MDGA2: variants seen among roughly 807,000 people sequenced by gnomAD.
The protein encoded by MDGA2 is MAM domain containing glycosylphosphatidylinositol anchor 2.
In MDGA2, 40 loss-of-function variants were observed where a neutral mutation model predicts 117.8. The observed-to-expected ratio is 0.34, with a 90% CI of 0.26 to 0.44. The LOEUF is 0.44. Among genes scored for constraint, MDGA2 ranks in the 20% least tolerant of loss-of-function variants. MDGA2 has a pLI of 1.00. For missense variants in MDGA2, 1,123 were observed against 1,250.6 expected, an observed-to-expected ratio of 0.90 and a Z score of 1.54; for synonymous variants, 452 against 439.0, an observed-to-expected ratio of 1.03 and a Z score of -0.37.
intron 2 of MDGA2, among the ~76,000 whole-genome samples, chr14:47,239,229 A>AT: frequency 6.6e-6 from 1 of 151,458 alleles, no homozygotes; most frequent in Middle Eastern, 3.4e-3. Context: ...TATTAAAAAA[A>AT]AAAAAGGGCT....
At chr14:47,540,265 G>A (rs1468407695) in intron 1 of MDGA2, among the ~76,000 whole-genome samples, 1 of 151,772 alleles carries the variant, frequency 6.6e-6, no homozygotes, top group Admixed American at 6.6e-5. Flanking sequence ...CGCCCGCCTC[G>A]GCCTCCCAAA....
chr14:47,376,483 A>G (rs1891480816), intron 1 of MDGA2, among the ~76,000 whole-genome samples: 1 of 152,214 alleles, frequency 6.6e-6, no homozygotes, highest in Admixed American at 6.5e-5. Flanking sequence ...CAAAAACAAC[A>G]TAAATTTCTA....
At chr14:47,307,015 C>T (rs1889474183) in intron 1 of MDGA2, among the ~76,000 whole-genome samples, 1 of 152,134 alleles carries the variant, frequency 6.6e-6, no homozygotes, top group South Asian at 2.1e-4. Flanking sequence ...AAACTTTCTT[C>T]CCAGCTTTCT....
chr14:47,042,328 TG>T (rs201813584), intron 7 of MDGA2, among the ~76,000 whole-genome samples: 29,749 of 109,364 alleles, frequency 0.27, 3,279 homozygotes, highest in East Asian at 0.46. Context: ...TTTTTTTTTT[TG>T]TGTGTGTGTG....
At chr14:46,898,348 T>C (rs1170339689) in intron 10 of MDGA2, among the ~76,000 whole-genome samples, 1 of 152,018 alleles carries the variant, frequency 6.6e-6, no homozygotes, top group Non-Finnish European at 1.5e-5. Context: ...ATAAAATTGG[T>C]AGAAATTATT....
At chr14:46,987,927 T>TGGGGGG (rs60295575) in intron 8 of MDGA2, among the ~76,000 whole-genome samples, 1 of 93,574 alleles carries the variant, frequency 1.1e-5, no homozygotes, top group Non-Finnish European at 2.2e-5. Flanking sequence ...TATTCTGGGG[T>TGGGGGG]GGGGGGGGGT....
chr14:47,190,204 G>A (rs897918500), intron 3 of MDGA2, among the ~76,000 whole-genome samples: 1 of 152,160 alleles, frequency 6.6e-6, no homozygotes, highest in Non-Finnish European at 1.5e-5. Context: ...TGGCCACTTT[G>A]CTGATTTAAG....
chr14:47,291,536 C>A (rs1359738472), intron 2 of MDGA2, among the ~76,000 whole-genome samples: 1 of 152,162 alleles, frequency 6.6e-6, no homozygotes, highest in Non-Finnish European at 1.5e-5. Context: ...TACATCTAAC[C>A]TACCAAATGT....
chr14:46,903,798 AAAAT>A (rs1215784131), intron 10 of MDGA2, among the ~76,000 whole-genome samples: 1 of 152,166 alleles, frequency 6.6e-6, no homozygotes, highest in Non-Finnish European at 1.5e-5. Flanking sequence ...CCATTTACTA[AAAAT>A]GACTGTGTGA....
Position 46,841,234 on chromosome 14 carries a change from C to T in MDGA2, c.*697G>A, listed in dbSNP as rs1880597667. ...CCGATAAGCCTGTGTAACATGTAAG[C>T]CCAGGTTTACCATCCTGGATAGTAG... On this transcript the variant is annotated 3_prime_UTR_variant, in exon 17 of 17. Transcript: ENST00000399232. 1 of 152,422 alleles carries T rather than the reference C, an allele frequency of 6.6e-6. No individual in the cohort carries two copies. The highest frequency in any genetic ancestry group is 2.4e-5 in the African/African-American group (1 of 41,380). The allele number at this position is 152,422 out of a possible 1,614,324, so 9.4% of individuals were successfully genotyped here.
chr14:46,996,291 T>G (rs1376333987), intron 8 of MDGA2, among the ~76,000 whole-genome samples: 1 of 152,146 alleles, frequency 6.6e-6, no homozygotes, highest in Non-Finnish European at 1.5e-5. Flanking sequence ...GGAAAACCAG[T>G]GAAAGGTAGA....
rs56853118 is a variant in MDGA2, at chr14:47,651,213, G to GGTGTGTGTGTGTGTGT, written c.280+23288_280+23303dup. Among the ~76,000 whole-genome samples, 11 of 146,520 alleles carry GGTGTGTGTGTGTGTGT rather than the reference G, an allele frequency of 7.5e-5. No individual in the cohort carries two copies. The South Asian group carries it at 2.0e-3, about 27-fold the overall frequency. ...GGAGATTCTGTGTGTGTGTGCATGTGGTGTGTGTGTGTGTGTGTGTGTGTG... is the reference window on the plus strand; with the variant it reads ...GGAGATTCTGTGTGTGTGTGCATGTGGTGTGTGTGTGTGTGTGTGTGTGTGTGTGTGTGTGTGTGTG... On this transcript the variant is annotated intron_variant, in intron 1 of 16. Coordinates refer to ENST00000399232, the MANE Select transcript of MDGA2 (RefSeq NM_001113498.3).
chr14:46,930,098 T>C lies in MDGA2; in HGVS notation c.2090-9938A>G, dbSNP rs141379295. Among the ~76,000 whole-genome samples, 257 of 131,334 alleles carry C rather than the reference T, an allele frequency of 2.0e-3. 1 individual carries two copies. Among genetic ancestry groups the C allele is most frequent in the African/African-American group, 6.5e-3 (241 of 37,136 alleles). The allele number at this position is 131,334 out of a possible 152,430, so 86.2% of individuals were successfully genotyped here. On this transcript the variant is annotated intron_variant, in intron 9 of 16. Coordinates refer to ENST00000399232, the MANE Select transcript of MDGA2 (RefSeq NM_001113498.3). ...CTGAAAACTATTTATTTCATGAGTA[T>C]GCAACACCCAAAGAAGAAAAAAAAA...
At chr14:47,460,998 G>A (rs944189889) in intron 1 of MDGA2, among the ~76,000 whole-genome samples, 2 of 152,122 alleles carry the variant, frequency 1.3e-5, no homozygotes, top group Admixed American at 6.5e-5. Flanking sequence ...ATTCCTTTCA[G>A]TTTGATTTTT....
intron 11 of MDGA2, 30 bp from the exon 12 acceptor site, chr14:46,877,539 C>A (rs1360984505): frequency 2.7e-6 from 4 of 1,485,818 alleles, no homozygotes; most frequent in East Asian, 2.4e-5. Context: ...AACAAACAAA[C>A]AAAAAAACAA....
In MDGA2 at chr14:47,303,165, A is replaced by T. The variant is rs1166523477; in HGVS notation, c.281-1615T>A. Reference sequence around the variant, plus strand: ...TCTGCAGGAATCCCCAGGAATCTGCATTTTTACCAAACACTCAGATAGCTG... The same window carrying T: ...TCTGCAGGAATCCCCAGGAATCTGCTTTTTTACCAAACACTCAGATAGCTG... On this transcript the variant is annotated intron_variant, in intron 1 of 16. Coordinates refer to ENST00000399232, the MANE Select transcript of MDGA2 (RefSeq NM_001113498.3). Among the ~76,000 whole-genome samples, 5 of 152,272 alleles carry T rather than the reference A, an allele frequency of 3.3e-5. No individual in the cohort carries two copies. In the East Asian group the frequency reaches 9.7e-4, roughly 29 times the overall value.
At chr14:47,671,747 T>C (rs1014658848) in intron 1 of MDGA2, among the ~76,000 whole-genome samples, 1 of 152,226 alleles carries the variant, frequency 6.6e-6, no homozygotes, top group Non-Finnish European at 1.5e-5. Flanking sequence ...TTAATCATTC[T>C]CAAAGTTATT....
At chr14:47,168,828 C>T (rs1883998919) in intron 3 of MDGA2, among the ~76,000 whole-genome samples, 1 of 152,000 alleles carries the variant, frequency 6.6e-6, no homozygotes, top group African/African-American at 2.4e-5. Context: ...AGAAATTCTG[C>T]CTTCAAGACA....
intron 8 of MDGA2, among the ~76,000 whole-genome samples, chr14:47,004,344 C>T (rs957145258): frequency 6.6e-6 from 1 of 151,842 alleles, no homozygotes; most frequent in African/African-American, 2.4e-5. Flanking sequence ...TATCCTTTCT[C>T]AGCTAAATTG....
Sources: gnomAD v4.1 joint callset for allele counts (sites outside exome capture counted in the v4.1 genomes callset) on GRCh38, gnomAD v4.1.1 for gene constraint, MANE v1.5 for transcripts, NCBI Gene and HGNC (gene_info 2026-07-23, HGNC 2026-07-21) for gene names.